Variants in TEAD1 observed in about 807,000 individuals in gnomAD.
TEAD1 encodes transcriptional enhancer factor TEF-1.
A neutral mutation model predicts 54.9 loss-of-function variants in TEAD1; 9 were observed. The ratio of observed to expected loss-of-function variants is 0.16; its 90% confidence interval spans 0.10 to 0.29. The LOEUF is 0.29. Among genes scored for constraint, TEAD1 ranks in the 10% least tolerant of loss-of-function variants. The probability of loss-of-function intolerance (pLI) is 1.00; values close to 1 mark genes in which losing one functional copy is unlikely to be tolerated. For synonymous variants in TEAD1, 200 were observed against 187.8 expected, an observed-to-expected ratio of 1.07 and a Z score of -0.53; for missense variants, 387 against 535.9, an observed-to-expected ratio of 0.72 and a Z score of 2.74.
At chr11:12,904,958 AT>A in intron 10 of TEAD1, 2 of 239,720 alleles carry the variant, frequency 8.3e-6, no homozygotes, top group Admixed American at 9.0e-5. Context: ...TCAATAATTT[AT>A]TTACGAGTGT....
At chr11:12,740,036 A>G (rs1251110489) in intron 2 of TEAD1, among the ~76,000 whole-genome samples, 3 of 152,198 alleles carry the variant, frequency 2.0e-5, no homozygotes. Context: ...GTAGGTGGCG[A>G]GGAAAGGCAT....
intron 9 of TEAD1, among the ~76,000 whole-genome samples, chr11:12,886,142 G>C (rs1009662687): frequency 7.9e-5 from 12 of 152,234 alleles, no homozygotes; most frequent in African/African-American, 2.7e-4. Context: ...ATATTCCAGA[G>C]GTGATGAAGC....
chr11:12,780,486 C>T (rs930733354), intron 3 of TEAD1, among the ~76,000 whole-genome samples: 15 of 151,976 alleles, frequency 9.9e-5, no homozygotes, highest in South Asian at 2.1e-4. Context: ...TCAGGTGATG[C>T]GCCTGCCTCG....
chr11:12,866,101 G>A (rs981289787), intron 5 of TEAD1, among the ~76,000 whole-genome samples: 1 of 152,166 alleles, frequency 6.6e-6, no homozygotes, highest in African/African-American at 2.4e-5. Flanking sequence ...CGCACGTGTG[G>A]CTGATGGTGG....
chr11:12,796,111 G>A lies in TEAD1; in HGVS notation c.202+31677G>A, dbSNP rs141684358. ...TGGGCCAGGAGGGGGGCTAGTGTAC[G>A]GAATTTATTTCAGAGAAGGCAGAAT... On this transcript the variant is annotated intron_variant, in intron 3 of 12. Coordinates refer to ENST00000527636, the MANE Select transcript of TEAD1 (RefSeq NM_021961.6). Among the ~76,000 whole-genome samples, 118 of 152,176 alleles carry A rather than the reference G, an allele frequency of 7.8e-4. 1 individual carries two copies. Among genetic ancestry groups the A allele is most frequent in the Non-Finnish European group, 1.5e-3 (100 of 67,990 alleles).
At chr11:12,802,018 C>G (rs1008528050) in intron 3 of TEAD1, among the ~76,000 whole-genome samples, 3 of 152,178 alleles carry the variant, frequency 2.0e-5, no homozygotes, top group Admixed American at 6.5e-5. Flanking sequence ...AGAGCCCTCA[C>G]TAGATTTTTG....
chr11:12,834,906 A>G (rs1441982512), intron 3 of TEAD1, among the ~76,000 whole-genome samples: 3 of 152,026 alleles, frequency 2.0e-5, no homozygotes, highest in Admixed American at 6.5e-5. Flanking sequence ...GCAATTATAG[A>G]TAAGTTTTGA....
At chr11:12,736,275 G>A (rs60404841) in intron 2 of TEAD1, among the ~76,000 whole-genome samples, 2,411 of 152,138 alleles carry the variant, frequency 0.016, 67 homozygotes, top group African/African-American at 0.056. Context: ...AAGACCAAAG[G>A]CTTTACGTTT....
At chr11:12,894,943 G>A (rs768507566) in intron 9 of TEAD1, among the ~76,000 whole-genome samples, 1 of 152,138 alleles carries the variant, frequency 6.6e-6, no homozygotes, top group Non-Finnish European at 1.5e-5. Context: ...CTGCATTATA[G>A]TTCTACTAAG....
intron 5 of TEAD1, chr11:12,878,798 CACATATAT>C: frequency 1.5e-6 from 1 of 673,566 alleles, no homozygotes; most frequent in Non-Finnish European, 2.2e-6. Flanking sequence ...TGTATATATA[CACATATAT>C]ATATGTTTTT....
At chr11:12,752,847 G>A (rs903736367) in intron 2 of TEAD1, among the ~76,000 whole-genome samples, 1 of 147,812 alleles carries the variant, frequency 6.8e-6, no homozygotes, top group Admixed American at 6.8e-5. Context: ...ATATGCTACA[G>A]TTTTTTTTTT....
intron 12 of TEAD1, among the ~76,000 whole-genome samples, chr11:12,935,841 T>C (rs768066295): frequency 6.6e-5 from 10 of 152,328 alleles, no homozygotes; most frequent in South Asian, 4.1e-4. Flanking sequence ...TAGGAACTTA[T>C]ATTCCACTGG....
At chr11:12,891,988 T>G (rs902222482) in intron 9 of TEAD1, among the ~76,000 whole-genome samples, 1 of 152,226 alleles carries the variant, frequency 6.6e-6, no homozygotes, top group South Asian at 2.1e-4. Flanking sequence ...GATGTGGGAG[T>G]TAGCAGTCTT....
At chr11:12,822,544 T>C (rs1028467642) in intron 3 of TEAD1, 29 of 152,160 alleles carry the variant, frequency 1.9e-4, no homozygotes, top group African/African-American at 6.5e-4. Context: ...AGATGGGGGG[T>C]GGAGGCCTTG....
At chr11:12,872,322 A>G (rs907082052) in intron 5 of TEAD1, among the ~76,000 whole-genome samples, 7 of 152,160 alleles carry the variant, frequency 4.6e-5, no homozygotes, top group Non-Finnish European at 7.3e-5. Context: ...GAGGCAAGGA[A>G]AGCCTGAGCA....
At chr11:12,722,088 A>G (rs1222522996) in intron 2 of TEAD1, among the ~76,000 whole-genome samples, 3 of 152,220 alleles carry the variant, frequency 2.0e-5, no homozygotes, top group Non-Finnish European at 4.4e-5. Context: ...TGAACCACAC[A>G]TGGATGAAAC....
chr11:12,936,750 A>G (rs1248341426), intron 12 of TEAD1, among the ~76,000 whole-genome samples: 1 of 152,198 alleles, frequency 6.6e-6, no homozygotes, highest in Non-Finnish European at 1.5e-5. Context: ...AAATAAGACA[A>G]TTTCTTAGAG....
At chr11:12,714,737 A>T (rs1590076858) in intron 2 of TEAD1, among the ~76,000 whole-genome samples, 1 of 152,296 alleles carries the variant, frequency 6.6e-6, no homozygotes, top group African/African-American at 2.4e-5. Flanking sequence ...TCAAGATGCC[A>T]GCAGGTTTGA....
intron 3 of TEAD1, among the ~76,000 whole-genome samples, chr11:12,773,995 CA>C (rs765602049): frequency 6.6e-6 from 1 of 152,124 alleles, no homozygotes; most frequent in Non-Finnish European, 1.5e-5. Context: ...ATTTTCTTTA[CA>C]AGAAGGTTAT....
Sources: allele counts gnomAD v4.1 joint callset (sites outside exome capture counted in the v4.1 genomes callset), GRCh38; gene constraint gnomAD v4.1.1; transcripts MANE v1.5; gene names NCBI Gene and HGNC (gene_info 2026-07-23, HGNC 2026-07-21).